Variants in PHF21A observed in about 807,000 individuals in gnomAD.
PHF21A encodes PHD finger protein 21A, also known as BHC80a.
A neutral mutation model predicts 82.5 loss-of-function variants in PHF21A; 11 were observed. The observed-to-expected ratio is 0.13, with a 90% CI of 0.08 to 0.22. The LOEUF is 0.22. PHF21A is among the 10% of genes least tolerant of loss of function. The pLI, the probability that PHF21A is intolerant of heterozygous loss-of-function variation, is 1.00. For missense variants in PHF21A, 579 were observed against 837.8 expected, an observed-to-expected ratio of 0.69 and a Z score of 3.81; for synonymous variants, 297 against 302.8, an observed-to-expected ratio of 0.98 and a Z score of 0.20.
chr11:46,099,560 A>ACACACACACACACACC (rs369043301), intron 1 of PHF21A, among the ~76,000 whole-genome samples: 2 of 146,062 alleles, frequency 1.4e-5, no homozygotes, highest in East Asian at 2.0e-4. Context: ...ACACACACAC[A>ACACACACACACACACC]CACCCTAAAC....
chr11:46,081,444 C>T (rs868248516), intron 4 of PHF21A, among the ~76,000 whole-genome samples: 1 of 152,214 alleles, frequency 6.6e-6, no homozygotes, highest in African/African-American at 2.4e-5. Flanking sequence ...TTGGCTACTA[C>T]GCTGTAACGT....
At chr11:46,052,932 T>C (rs2096391444) in intron 6 of PHF21A, among the ~76,000 whole-genome samples, 1 of 152,154 alleles carries the variant, frequency 6.6e-6, no homozygotes, top group Non-Finnish European at 1.5e-5. Context: ...TGAGTGCCCA[T>C]GCAGATACAC....
Position 46,100,523 on chromosome 11 carries a change from A to G in PHF21A, c.-236-8300T>C, listed in dbSNP as rs2097080442. On this transcript the variant is annotated intron_variant, in intron 1 of 18. Coordinates refer to ENST00000676320, the MANE Select transcript of PHF21A (RefSeq NM_001352027.3). ...ATACCACAAAGTCTTCTTAAGTATA[A>G]TTTTTAAAATATATATCTTTGGTGT... Among the ~76,000 whole-genome samples the G allele has an allele frequency of 3.9e-5, 6 of 152,178 alleles. 1 individual carries two copies. The South Asian group carries it at 1.2e-3, about 31-fold the overall frequency.
chr11:45,991,483 C>A (rs2094698200), intron 6 of PHF21A, among the ~76,000 whole-genome samples: 1 of 152,116 alleles, frequency 6.6e-6, no homozygotes, highest in Non-Finnish European at 1.5e-5. Context: ...CACCTCAAAC[C>A]CCCAACACCA....
chr11:46,031,888 T>G (rs1390799149), intron 6 of PHF21A, among the ~76,000 whole-genome samples: 2 of 152,212 alleles, frequency 1.3e-5, no homozygotes, highest in Non-Finnish European at 2.9e-5. Flanking sequence ...TGATTAAAGT[T>G]AGCAGAAGCA....
At chr11:45,949,958 T>C (rs566286892) in intron 12 of PHF21A, among the ~76,000 whole-genome samples, 1 of 152,310 alleles carries the variant, frequency 6.6e-6, no homozygotes, top group South Asian at 2.1e-4. Flanking sequence ...AGAGCTCCCC[T>C]AAATGAACAG....
At chr11:46,109,657 C>A (rs1468998701) in intron 1 of PHF21A, among the ~76,000 whole-genome samples, 1 of 151,960 alleles carries the variant, frequency 6.6e-6, no homozygotes, top group African/African-American at 2.4e-5. Context: ...AAGAACTACA[C>A]CATAAACACA....
At chr11:46,077,860 G>A (rs1204739000) in intron 5 of PHF21A, among the ~76,000 whole-genome samples, 6 of 152,124 alleles carry the variant, frequency 3.9e-5, no homozygotes, top group Non-Finnish European at 8.8e-5. Flanking sequence ...AAATAGGAAA[G>A]GACCTGTTAA....
intron 6 of PHF21A, among the ~76,000 whole-genome samples, chr11:45,982,097 C>T (rs1268747347): frequency 6.6e-6 from 1 of 151,892 alleles, no homozygotes; most frequent in Non-Finnish European, 1.5e-5. Flanking sequence ...GCTGGGACTA[C>T]AAGAGCGTGC....
chr11:45,935,218 C>T, intron 18 of PHF21A: 3 of 1,293,058 alleles, frequency 2.3e-6, no homozygotes, highest in Non-Finnish European at 2.0e-6. Flanking sequence ...GAGGGAGGGC[C>T]GTACGGATGG....
At chr11:45,951,784 A>C (rs1591140123) in intron 11 of PHF21A, among the ~76,000 whole-genome samples, 3 of 151,174 alleles carry the variant, frequency 2.0e-5, no homozygotes, top group East Asian at 3.9e-4. Flanking sequence ...AAGTGAAAAA[A>C]AATGTCCTCT....
At chr11:45,975,608 T>G (rs2093987721) in intron 7 of PHF21A, among the ~76,000 whole-genome samples, 1 of 152,222 alleles carries the variant, frequency 6.6e-6, no homozygotes, top group Non-Finnish European at 1.5e-5. Context: ...TTCTTTACAT[T>G]TGCATTATGC....
intron 6 of PHF21A, among the ~76,000 whole-genome samples, chr11:46,020,275 G>A (rs1367078538): frequency 6.6e-6 from 1 of 152,164 alleles, no homozygotes; most frequent in East Asian, 1.9e-4. Flanking sequence ...CATCTGCAGA[G>A]TAAGATCCTA....
chr11:45,935,381 A>G, intron 18 of PHF21A: 1 of 801,780 alleles, frequency 1.2e-6, no homozygotes, highest in Non-Finnish European at 1.9e-6. Flanking sequence ...TTCAGCCTGA[A>G]GACTGAAAAT....
At chr11:45,936,469 A>C (rs201686192) in intron 17 of PHF21A, 25 bp downstream of exon 17, 1 of 1,419,060 alleles carries the variant, frequency 7.0e-7, no homozygotes, top group African/African-American at 1.4e-5. Flanking sequence ...AGCTTACAAA[A>C]AAGTGGGTAT....
intron 6 of PHF21A, among the ~76,000 whole-genome samples, chr11:46,035,732 T>C (rs752601368): frequency 1.3e-5 from 2 of 152,166 alleles, no homozygotes; most frequent in Non-Finnish European, 2.9e-5. Flanking sequence ...AGGAGAACAG[T>C]GTCTCAGAAG....
At chr11:45,991,380 C>T (rs188658918) in intron 6 of PHF21A, among the ~76,000 whole-genome samples, 7 of 152,190 alleles carry the variant, frequency 4.6e-5, no homozygotes, top group African/African-American at 1.4e-4. Context: ...AACAATGAGG[C>T]TCTGAGTAAT....
intron 6 of PHF21A, among the ~76,000 whole-genome samples, chr11:45,993,410 G>C (rs999050936): frequency 6.6e-6 from 1 of 152,078 alleles, no homozygotes; most frequent in African/African-American, 2.4e-5. Flanking sequence ...CATTGATTCA[G>C]ATGGGGAGAG....
chr11:45,937,626 G>A (rs751116160), intron 16 of PHF21A, among the ~76,000 whole-genome samples: 2 of 152,076 alleles, frequency 1.3e-5, no homozygotes, highest in East Asian at 1.9e-4. Flanking sequence ...GATTACAGGC[G>A]CCTGCCACCA....
Sources: allele counts gnomAD v4.1 joint callset (sites outside exome capture counted in the v4.1 genomes callset), GRCh38; gene constraint gnomAD v4.1.1; transcripts MANE v1.5; gene names NCBI Gene and HGNC (gene_info 2026-07-23, HGNC 2026-07-21).